INSR: variants seen among roughly 807,000 people sequenced by gnomAD.
The protein encoded by INSR is insulin receptor.
A neutral mutation model predicts 142.6 loss-of-function variants in INSR; 67 were observed. The ratio of observed to expected loss-of-function variants is 0.47; its 90% confidence interval spans 0.39 to 0.58. The LOEUF (loss-of-function observed/expected upper bound fraction) is 0.58. Ranked by LOEUF, INSR falls within the 20% of genes least tolerant of loss-of-function variation. The probability of loss-of-function intolerance (pLI) is 0.00; values close to 1 mark genes in which losing one functional copy is unlikely to be tolerated. For synonymous variants in INSR, 756 were observed against 743.1 expected (o/e 1.02, Z -0.28); for missense variants, 1,248 against 1,833.2 (o/e 0.68, Z 5.83).
At chr19:7,131,871 C>A (rs1972790585) in intron 14 of INSR, among the ~76,000 whole-genome samples, 1 of 151,176 alleles carries the variant, frequency 6.6e-6, no homozygotes, top group Non-Finnish European at 1.5e-5. Context: ...TGGTGGTGGG[C>A]ACCTGTAGTC....
chr19:7,139,614 A>G (rs1053775725), intron 13 of INSR, among the ~76,000 whole-genome samples: 2 of 152,152 alleles, frequency 1.3e-5, no homozygotes, highest in African/African-American at 4.8e-5. Flanking sequence ...TTTAAAAATG[A>G]ATATTAAAAA....
intron 2 of INSR, among the ~76,000 whole-genome samples, chr19:7,230,693 G>A (rs1975943256): frequency 1.3e-5 from 2 of 151,866 alleles, no homozygotes; most frequent in East Asian, 3.9e-4. Flanking sequence ...TGCAATCCCA[G>A]CTACTTGGGA....
At chr19:7,135,346 G>A (rs1234161663) in intron 13 of INSR, among the ~76,000 whole-genome samples, 2 of 99,444 alleles carry the variant, frequency 2.0e-5, no homozygotes, top group African/African-American at 4.0e-5. Context: ...ACGGAGTTTC[G>A]CTCTTGTCAC....
At chr19:7,245,249 A>G (rs1359327566) in intron 2 of INSR, among the ~76,000 whole-genome samples, 1 of 151,474 alleles carries the variant, frequency 6.6e-6, no homozygotes, top group African/African-American at 2.4e-5. Context: ...AATGGGTTTT[A>G]TATGAGAGTG....
At chr19:7,223,950 AT>A (rs10533917) in intron 2 of INSR, among the ~76,000 whole-genome samples, 2,994 of 148,020 alleles carry the variant, frequency 0.02, 105 homozygotes, top group African/African-American at 0.069. Flanking sequence ...ACAAAAAAAA[AT>A]TTTTTTTTTT....
intron 8 of INSR, among the ~76,000 whole-genome samples, chr19:7,164,110 A>G (rs1376533355): frequency 6.8e-6 from 1 of 147,640 alleles, no homozygotes; most frequent in Non-Finnish European, 1.5e-5. Context: ...AAAAAAAAAA[A>G]AAAAAAGCTT....
chr19:7,258,638 T>G (rs184229778), intron 2 of INSR, among the ~76,000 whole-genome samples: 1 of 149,166 alleles, frequency 6.7e-6, no homozygotes, highest in African/African-American at 2.5e-5. Context: ...TAACAAACCC[T>G]CATAGGCTGT....
In INSR at chr19:7,126,744, C is replaced by T; in HGVS notation, c.2946-93G>A. 5 of 1,122,052 alleles carry T rather than the reference C, an allele frequency of 4.5e-6. No individual in the cohort carries two copies. In the South Asian group the frequency reaches 6.7e-5, roughly 15 times the overall value. 69.5% of individuals were successfully genotyped at this position (1,122,052 alleles called of 1,614,324 possible). On this transcript the variant is annotated intron_variant, in intron 15 of 21. Transcript: ENST00000302850. ...CAAGACTCCCCAAGGCAAATGGCAG[C>T]CCTTACCAGCAGAATCCCCATAATC... is the stretch of plus-strand genomic sequence containing the variant.
In INSR at chr19:7,225,855, C is replaced by T. The variant is rs59053029; in HGVS notation, c.653-41218G>A. On this transcript the variant is annotated intron_variant, in intron 2 of 21. Transcript: ENST00000302850. This position sits in a 1 kb window ranked among gnomAD's most constrained non-coding sequence, Gnocchi z 4.7. Reference sequence around the variant, plus strand: ...ATTTGTGTTTGCCATGCCTCGGGGGCGGCGCTCCAGGCATGGAATGGGTGG... The same window carrying T: ...ATTTGTGTTTGCCATGCCTCGGGGGTGGCGCTCCAGGCATGGAATGGGTGG... 0.15 allele frequency among the ~76,000 whole-genome samples: 23,358 copies of T among 152,186 alleles called. 1,883 individuals are homozygous for T. Among genetic ancestry groups the T allele is most frequent in the South Asian group, 0.27 (1,293 of 4,818 alleles).
At chr19:7,176,840 G>A (rs1310620686) in intron 3 of INSR, among the ~76,000 whole-genome samples, 1 of 152,136 alleles carries the variant, frequency 6.6e-6, no homozygotes, top group African/African-American at 2.4e-5. Flanking sequence ...ATGGACTAAT[G>A]CATGTGGTAA....
At chr19:7,261,146 C>T (rs1486547999) in intron 2 of INSR, among the ~76,000 whole-genome samples, 2 of 152,088 alleles carry the variant, frequency 1.3e-5, no homozygotes, top group Admixed American at 6.6e-5. Context: ...CCTCGGCCTC[C>T]CAAAGTGCTG....
chr19:7,197,561 GGA>G (rs201015168), intron 2 of INSR, among the ~76,000 whole-genome samples: 1,675 of 84,760 alleles, frequency 0.02, 421 homozygotes, highest in African/African-American at 0.08. Flanking sequence ...TTCCAGAGTG[GGA>G]GTGTGTGTGT....
chr19:7,277,442 G>A (rs1007619992), intron 1 of INSR, among the ~76,000 whole-genome samples: 3 of 151,990 alleles, frequency 2.0e-5, no homozygotes, highest in Non-Finnish European at 2.9e-5. Context: ...AAGGAAAGAC[G>A]CACCTAAATA....
intron 5 of INSR, among the ~76,000 whole-genome samples, 168 bp from the exon 6 acceptor site, chr19:7,170,919 G>T (rs1271299649): frequency 6.6e-6 from 1 of 152,156 alleles, no homozygotes; most frequent in Non-Finnish European, 1.5e-5. Context: ...AACAGAGGAA[G>T]TTGAGGAAGT....
Position 7,216,313 on chromosome 19 carries a change from G to A in INSR, c.653-31676C>T, listed in dbSNP as rs2145087051. On this transcript the variant is annotated intron_variant, in intron 2 of 21. Transcript: ENST00000302850. This position sits in a 1 kb window ranked among gnomAD's most constrained non-coding sequence, Gnocchi z 4.2. ...CACTCCAGCCTGGGCAAGAGAGCAA[G>A]ACTCTGTCTCAAAGACAAAAAGAAG... is the stretch of plus-strand genomic sequence containing the variant. 6.6e-6 allele frequency among the ~76,000 whole-genome samples: 1 copy of A among 152,332 alleles called. No individual in the cohort carries two copies. Among genetic ancestry groups the A allele is most frequent in the South Asian group, 2.1e-4 (1 of 4,828 alleles).
intron 1 of INSR, among the ~76,000 whole-genome samples, chr19:7,270,278 C>G (rs1046120051): frequency 2.0e-5 from 3 of 151,592 alleles, no homozygotes; most frequent in African/African-American, 7.3e-5. Flanking sequence ...GGCCATAGCC[C>G]TGGGCTTCTC....
At chr19:7,275,133 A>G (rs1968027775) in intron 1 of INSR, among the ~76,000 whole-genome samples, 1 of 151,582 alleles carries the variant, frequency 6.6e-6, no homozygotes, top group Admixed American at 6.6e-5. Flanking sequence ...GCACTACCAC[A>G]TCCAGATAAT....
intron 2 of INSR, among the ~76,000 whole-genome samples, chr19:7,258,072 C>T (rs1439463744): frequency 3.3e-5 from 5 of 152,160 alleles, no homozygotes; most frequent in Admixed American, 6.6e-5. Flanking sequence ...GTGATCTGCC[C>T]GCTTCGGCCT....
At chr19:7,122,261 G>A (rs917386950) in intron 19 of INSR, among the ~76,000 whole-genome samples, 6 of 151,762 alleles carry the variant, frequency 4.0e-5, no homozygotes, top group African/African-American at 9.7e-5. Context: ...GGCCAACATG[G>A]ATGAAACCCC....
Sources: allele counts gnomAD v4.1 joint callset (sites outside exome capture counted in the v4.1 genomes callset), GRCh38; gene constraint gnomAD v4.1.1; non-coding constraint Gnocchi (gnomAD v3.1); transcripts MANE v1.5; gene names NCBI Gene and HGNC (gene_info 2026-07-23, HGNC 2026-07-21).